SAMD5: variants seen among roughly 807,000 people sequenced by gnomAD.
The protein encoded by SAMD5 is sterile alpha motif domain-containing protein 5.
In SAMD5, 13 loss-of-function variants were observed where a neutral mutation model predicts 11.3. The observed-to-expected ratio is 1.15, with a 90% CI of 0.75 to 1.83. The LOEUF is 1.83. Ranked by LOEUF, SAMD5 falls within the 40% of genes most tolerant of loss-of-function variation. SAMD5 has a pLI of 0.00. For synonymous variants in SAMD5, 129 were observed against 111.3 expected, an observed-to-expected ratio of 1.16 and a Z score of -1.00; for missense variants, 255 against 239.1, an observed-to-expected ratio of 1.07 and a Z score of -0.44.
At chr6:147,666,570 C>T (rs1790725440) in intron 1 of SAMD5, among the ~76,000 whole-genome samples, 1 of 152,152 alleles carries the variant, frequency 6.6e-6, no homozygotes, top group Non-Finnish European at 1.5e-5. Context: ...AAATAGTCTC[C>T]CCTGGCAGCC....
At chr6:147,590,863 T>C (rs539077683) in intron 1 of SAMD5, among the ~76,000 whole-genome samples, 1 of 152,336 alleles carries the variant, frequency 6.6e-6, no homozygotes, top group African/African-American at 2.4e-5. Context: ...CTGTAAGAAG[T>C]AACTAAATGG....
the SAMD5 span, among the ~76,000 whole-genome samples, chr6:147,900,181 G>C: frequency 2.0e-5 from 3 of 152,274 alleles, no homozygotes; most frequent in Non-Finnish European, 4.4e-5. Flanking sequence ...CAGCTGTAGA[G>C]CAAGTATTGT....
chr6:147,811,458 A>T, the SAMD5 span, among the ~76,000 whole-genome samples: 2 of 152,170 alleles, frequency 1.3e-5, no homozygotes, highest in African/African-American at 4.8e-5. Context: ...TCCTTAGGCA[A>T]TGTGGACCCA....
chr6:147,915,984 G>C, the SAMD5 span, among the ~76,000 whole-genome samples: 6 of 144,094 alleles, frequency 4.2e-5, no homozygotes, highest in Non-Finnish European at 7.4e-5. Context: ...TCCCACCTAT[G>C]AGTGAGAACA....
the SAMD5 span, among the ~76,000 whole-genome samples, chr6:147,888,969 T>C: frequency 1.3e-5 from 2 of 152,200 alleles, no homozygotes; most frequent in Non-Finnish European, 2.9e-5. Context: ...TTTCTTCATA[T>C]ATTTCTTATG....
intron 1 of SAMD5, among the ~76,000 whole-genome samples, chr6:147,555,437 G>A (rs1345323999): frequency 1.3e-5 from 2 of 152,298 alleles, no homozygotes; most frequent in East Asian, 3.9e-4. Flanking sequence ...TGTTGCTAAT[G>A]ATGAAATTTG....
the SAMD5 span, among the ~76,000 whole-genome samples, chr6:147,789,936 A>G: frequency 6.6e-6 from 1 of 152,234 alleles, no homozygotes; most frequent in Non-Finnish European, 1.5e-5. Context: ...GCCTGACGAT[A>G]CTAATCATTG....
At position 147,564,675 on chromosome 6, in the gene SAMD5, G is replaced by C; in HGVS notation, c.*219G>C. On this transcript the variant is annotated 3_prime_UTR_variant, in exon 2 of 2. Transcript: ENST00000367474. The stretch of plus-strand genomic sequence containing the variant: ...AAGGCAGTGAACTATCACGCATAAA[G>C]AAGTATTGAGTTCATTTTTTTAAGA... 2 of 1,281,020 alleles carry C rather than the reference G, an allele frequency of 1.6e-6. No homozygotes were observed. The highest frequency in any genetic ancestry group is 2.0e-6 in the Non-Finnish European group (2 of 1,011,280). The allele number at this position is 1,281,020 out of a possible 1,614,324, so 79.4% of individuals were successfully genotyped here.
chr6:147,909,873 C>T, the SAMD5 span, among the ~76,000 whole-genome samples: 1 of 151,932 alleles, frequency 6.6e-6, no homozygotes, highest in Non-Finnish European at 1.5e-5. Context: ...ATTCAGTCTA[C>T]GGTGACAAGG....
chr6:147,949,919 C>T, the SAMD5 span, among the ~76,000 whole-genome samples: 47 of 152,250 alleles, frequency 3.1e-4, no homozygotes, highest in African/African-American at 1.1e-3. Context: ...TTATGAAATG[C>T]ATTGTAATTA....
intron 1 of SAMD5, chr6:147,660,638 G>A (rs534906160): frequency 6.6e-6 from 1 of 151,952 alleles, no homozygotes; most frequent in African/African-American, 2.4e-5. Flanking sequence ...CTGTTCTCGC[G>A]ATAGTGAGAG....
chr6:147,595,928 G>T (rs1028326457), intron 1 of SAMD5, among the ~76,000 whole-genome samples: 1 of 152,012 alleles, frequency 6.6e-6, no homozygotes. Context: ...ATACAGCTCC[G>T]TATTAGTATT....
At chr6:147,937,174 G>C in the SAMD5 span, among the ~76,000 whole-genome samples, 2 of 152,140 alleles carry the variant, frequency 1.3e-5, no homozygotes, top group African/African-American at 4.8e-5. Flanking sequence ...GAATAGTCAA[G>C]AGTTACTGAA....
intron 1 of SAMD5, among the ~76,000 whole-genome samples, chr6:147,728,820 T>A (rs1019935307): frequency 6.6e-6 from 1 of 152,204 alleles, no homozygotes; most frequent in Admixed American, 6.5e-5. Context: ...TTTTTCTGCA[T>A]GATGGTTACA....
chr6:147,699,715 G>T (rs966369426), intron 1 of SAMD5, among the ~76,000 whole-genome samples: 1 of 152,094 alleles, frequency 6.6e-6, no homozygotes, highest in South Asian at 2.1e-4. Context: ...AAATAAACAG[G>T]ATGCATATTG....
the SAMD5 span, among the ~76,000 whole-genome samples, chr6:147,809,192 T>C: frequency 1.3e-5 from 2 of 152,226 alleles, no homozygotes; most frequent in African/African-American, 4.8e-5. Flanking sequence ...GCATACATTA[T>C]TTTCTCTGTG....
At chr6:147,751,124 C>T in the SAMD5 span, among the ~76,000 whole-genome samples, 1 of 152,104 alleles carries the variant, frequency 6.6e-6, no homozygotes, top group South Asian at 2.1e-4. Context: ...ATCTCAGGGC[C>T]TTTGCACTGG....
intron 1 of SAMD5, among the ~76,000 whole-genome samples, chr6:147,726,128 G>A (rs989158768): frequency 2.0e-5 from 3 of 152,142 alleles, no homozygotes; most frequent in Non-Finnish European, 4.4e-5. Context: ...GCTAGAAACT[G>A]CAAGAAATAA....
At chr6:147,867,460 G>T in the SAMD5 span, among the ~76,000 whole-genome samples, 2 of 151,852 alleles carry the variant, frequency 1.3e-5, no homozygotes, top group Non-Finnish European at 2.9e-5. Context: ...TATGTAAAAT[G>T]CCTTTTAAAG....
Sources: allele counts gnomAD v4.1 joint callset (sites outside exome capture counted in the v4.1 genomes callset), GRCh38; gene constraint gnomAD v4.1.1; transcripts MANE v1.5; gene names NCBI Gene and HGNC (gene_info 2026-07-23, HGNC 2026-07-21).